PLA2G4A: variants seen among roughly 807,000 people sequenced by gnomAD.
PLA2G4A encodes the protein cytosolic phospholipase A2.
Under a neutral mutation model 81.9 loss-of-function variants are expected in PLA2G4A, and 40 were observed. That is an observed-to-expected ratio of 0.49 (90% CI 0.38 to 0.64). PLA2G4A has a LOEUF of 0.64. PLA2G4A is among the 30% of genes least tolerant of loss of function. PLA2G4A has a pLI of 0.00. For missense variants in PLA2G4A, 715 were observed against 905.1 expected, an observed-to-expected ratio of 0.79 and a Z score of 2.69; for synonymous variants, 302 against 296.9, an observed-to-expected ratio of 1.02 and a Z score of -0.18.
Position 186,893,062 on chromosome 1 carries a change from G to A in PLA2G4A, c.167G>A (p.Ser56Asn). The A allele has an allele frequency of 6.2e-7, 1 of 1,608,930 alleles. No individual in the cohort carries two copies. The highest frequency in any genetic ancestry group is 8.5e-7 in the Non-Finnish European group (1 of 1,175,300). The change falls in exon 4 of 18, where the codon AGC (serine) becomes AAC (asparagine). Residue 56 changes from serine to asparagine, a missense_variant. By Grantham distance (46) the Ser-to-Asn change is conservative. Transcript: ENST00000367466. ...CTTTTTATCTCTACAACCCCTGACA[G>A]CAGGAAGAGAACAAGACATTTCAAT... ...VELFISTTPD[S>N]RKRTRHFNND...
intron 8 of PLA2G4A, among the ~76,000 whole-genome samples, chr1:186,934,573 CTTCT>C (rs1655875263): frequency 6.6e-6 from 1 of 150,698 alleles, no homozygotes; most frequent in Non-Finnish European, 1.5e-5. Flanking sequence ...TATATGTATA[CTTCT>C]ACTCTATCTT....
At chr1:186,980,147 ACC>A (rs1224660581) in intron 17 of PLA2G4A, among the ~76,000 whole-genome samples, 1 of 151,790 alleles carries the variant, frequency 6.6e-6, no homozygotes, top group East Asian at 1.9e-4. Context: ...ACGGGGTTTC[ACC>A]GTGTTAGTCT....
At chr1:186,906,627 A>G (rs1366262230) in intron 5 of PLA2G4A, among the ~76,000 whole-genome samples, 1 of 152,218 alleles carries the variant, frequency 6.6e-6, no homozygotes, top group Non-Finnish European at 1.5e-5. Flanking sequence ...ACAACATCTC[A>G]GTAGTTTTTA....
chr1:186,867,954 G>A (rs1268613130), intron 2 of PLA2G4A, among the ~76,000 whole-genome samples: 1 of 151,654 alleles, frequency 6.6e-6, no homozygotes, highest in Non-Finnish European at 1.5e-5. Flanking sequence ...CTGTTGATAT[G>A]ATCATGTAAT....
At chr1:186,910,615 T>C (rs1654904716) in intron 6 of PLA2G4A, among the ~76,000 whole-genome samples, 1 of 152,160 alleles carries the variant, frequency 6.6e-6, no homozygotes, top group Non-Finnish European at 1.5e-5. Flanking sequence ...ATGTGACTTC[T>C]GGCATAGTGT....
At chr1:186,831,752 A>G (rs982816890) in intron 1 of PLA2G4A, among the ~76,000 whole-genome samples, 5 of 152,130 alleles carry the variant, frequency 3.3e-5, no homozygotes, top group Non-Finnish European at 5.9e-5. Flanking sequence ...ATGTAATTCA[A>G]TCATTAATTC....
rs529760222 is a variant in PLA2G4A at position 186,980,771 on chromosome 1, T to C, written c.2118+1299T>C. On this transcript the variant is annotated intron_variant, in intron 17 of 17. Transcript: ENST00000367466. ...CATAATATATTTGTTAATTAATATC[T>C]TTAATTTTTGTAAATGTGTAAAATT... Among the ~76,000 whole-genome samples, 140 of 60,514 alleles carry C rather than the reference T, an allele frequency of 2.3e-3. 1 individual carries two copies. Among genetic ancestry groups the C allele is most frequent in the African/African-American group, 4.0e-3 (129 of 32,142 alleles). The allele number at this position is 60,514 out of a possible 152,430, so 39.7% of individuals were successfully genotyped here.
At chr1:186,884,911 A>C (rs546392817) in intron 3 of PLA2G4A, among the ~76,000 whole-genome samples, 11 of 148,224 alleles carry the variant, frequency 7.4e-5, no homozygotes, top group African/African-American at 2.7e-4. Flanking sequence ...AAAAAAAAGA[A>C]GGAATAAGCT....
intron 5 of PLA2G4A, among the ~76,000 whole-genome samples, chr1:186,905,460 T>G (rs1346987277): frequency 6.6e-6 from 1 of 152,200 alleles, no homozygotes; most frequent in African/African-American, 2.4e-5. Context: ...ATTGTCTGTT[T>G]GGTAGCCAAT....
chr1:186,902,687 C>T (rs970344857), intron 5 of PLA2G4A, among the ~76,000 whole-genome samples: 7 of 151,850 alleles, frequency 4.6e-5, no homozygotes, highest in South Asian at 2.1e-4. Context: ...AATAAGTCTC[C>T]GGAGCTCCCC....
chr1:186,919,896 G>T (rs983957125), intron 7 of PLA2G4A, among the ~76,000 whole-genome samples: 2 of 152,132 alleles, frequency 1.3e-5, no homozygotes, highest in Admixed American at 1.3e-4. Context: ...GAGGGGGGGT[G>T]TTCCATGGAG....
chr1:186,864,751 T>C (rs1652954244), intron 2 of PLA2G4A, among the ~76,000 whole-genome samples: 1 of 151,622 alleles, frequency 6.6e-6, no homozygotes, highest in South Asian at 2.1e-4. Context: ...TAAAATCTTC[T>C]TACTGCAATA....
intron 1 of PLA2G4A, among the ~76,000 whole-genome samples, chr1:186,849,828 C>T (rs1217397066): frequency 6.6e-6 from 1 of 152,086 alleles, no homozygotes; most frequent in Non-Finnish European, 1.5e-5. Flanking sequence ...ATGTATCTAG[C>T]TCCTCACTTT....
At chr1:186,884,845 T>C (rs934378828) in intron 3 of PLA2G4A, among the ~76,000 whole-genome samples, 1 of 149,544 alleles carries the variant, frequency 6.7e-6, no homozygotes, top group Non-Finnish European at 1.5e-5. Context: ...GATGGCACCA[T>C]GGTGCCACTG....
At chr1:186,842,032 G>C (rs979090891) in intron 1 of PLA2G4A, among the ~76,000 whole-genome samples, 11 of 143,342 alleles carry the variant, frequency 7.7e-5, no homozygotes, top group African/African-American at 2.9e-4. Flanking sequence ...TAGTTGAGAT[G>C]CATATCATAT....
chr1:186,879,825 TTTTA>T (rs199852818), intron 3 of PLA2G4A, among the ~76,000 whole-genome samples: 1,806 of 123,374 alleles, frequency 0.015, 39 homozygotes, highest in African/African-American at 0.045. Context: ...TTTTGTTTAT[TTTTA>T]TTTATTTATA....
At chr1:186,920,922 A>G (rs1250258005) in intron 7 of PLA2G4A, among the ~76,000 whole-genome samples, 1 of 152,168 alleles carries the variant, frequency 6.6e-6, no homozygotes, top group African/African-American at 2.4e-5. Flanking sequence ...TTCTCCTGAT[A>G]TCTTCCGCGC....
chr1:186,878,902 T>C (rs529264006), intron 3 of PLA2G4A, among the ~76,000 whole-genome samples: 1 of 152,058 alleles, frequency 6.6e-6, no homozygotes, highest in African/African-American at 2.4e-5. Context: ...AAATGTTTCT[T>C]AAATTACCAA....
intron 3 of PLA2G4A, among the ~76,000 whole-genome samples, chr1:186,882,212 G>A (rs565268034): frequency 6.6e-6 from 1 of 152,152 alleles, no homozygotes; most frequent in East Asian, 1.9e-4. Context: ...AAACCTCTGG[G>A]GAACTTGATT....
Sources: allele counts gnomAD v4.1 joint callset (sites outside exome capture counted in the v4.1 genomes callset), GRCh38; gene constraint gnomAD v4.1.1; transcripts MANE v1.5; gene names NCBI Gene and HGNC (gene_info 2026-07-23, HGNC 2026-07-21).